The following STS variants were observed in gnomAD, a reference collection of about 807,000 sequenced individuals.
STS encodes the protein steryl-sulfatase.
Under a neutral mutation model 26.8 loss-of-function variants are expected in STS, and 7 were observed. The observed-to-expected ratio is 0.26, with a 90% confidence interval of 0.15 to 0.49. The LOEUF (loss-of-function observed/expected upper bound fraction) is 0.49, where lower values mean the gene tolerates loss of function less well. STS is among the 20% of genes least tolerant of loss of function. The pLI is 0.98. For missense variants in STS, 434 were observed against 465.6 expected (o/e 0.93, Z 0.63); for synonymous variants, 199 against 189.4 (o/e 1.05, Z -0.42).
rs1026111340 is a variant in STS, at chrX:7,353,593, G to A, written c.*3332G>A. ...CTGGGGCAGAAATTTGATTTGAAAA[G>A]TATTATTCTCTCTTCTCTTTGTTTC... On this transcript the variant is annotated 3_prime_UTR_variant, in exon 11 of 11. Transcript: ENST00000674429. The A allele has an allele frequency of 9.0e-6, 1 of 111,143 alleles. No individual in the cohort carries two copies. Among genetic ancestry groups the A allele is most frequent in the South Asian group, 3.8e-4 (1 of 2,642 alleles). 9.2% of individuals were successfully genotyped at this position (111,143 alleles called of 1,213,427 possible).
At chrX:7,326,404 C>A (rs1927477051) in intron 9 of STS, among the ~76,000 whole-genome samples, 2 of 111,323 alleles carry the variant, frequency 1.8e-5, no homozygotes, top group Admixed American at 9.6e-5. Flanking sequence ...GTCTGTTCAC[C>A]CCACCGTAGC....
chrX:7,164,703 T>C (rs1383204491), intron 1 of STS, among the ~76,000 whole-genome samples: 1 of 104,224 alleles, frequency 9.6e-6, no homozygotes, highest in East Asian at 2.9e-4. Flanking sequence ...TAAATTCCAT[T>C]AAAAAAAAAA....
At chrX:7,335,549 T>G (rs1270852223) in intron 10 of STS, among the ~76,000 whole-genome samples, 4 of 112,003 alleles carry the variant, frequency 3.6e-5, no homozygotes, top group East Asian at 2.8e-4. Flanking sequence ...TTTCTCCCAT[T>G]CTGTAGGTTG....
At chrX:7,175,537 C>T (rs1202768375) in intron 1 of STS, among the ~76,000 whole-genome samples, 1 of 110,946 alleles carries the variant, frequency 9.0e-6, no homozygotes, top group African/African-American at 3.3e-5. Flanking sequence ...TACATATCAG[C>T]TTCTCTACTC....
At chrX:7,218,762 G>T (rs1373221468) in intron 2 of STS, among the ~76,000 whole-genome samples, 1 of 112,151 alleles carries the variant, frequency 8.9e-6, no homozygotes, top group Non-Finnish European at 1.9e-5. Context: ...AAGATCAAAG[G>T]GTTCGGGTGG....
rs763805695 is a variant in STS, at chrX:7,273,567, A to G, written c.807-2384A>G. On this transcript the variant is annotated intron_variant, in intron 6 of 10. Transcript: ENST00000674429. Reference sequence around the variant, plus strand: ...AGGAACGCTGCTCAGAGAGGCCAAGAACAATCTAGACAGACAGGCCTTGCC... The same window carrying G: ...AGGAACGCTGCTCAGAGAGGCCAAGGACAATCTAGACAGACAGGCCTTGCC... 2.9e-4 allele frequency among the ~76,000 whole-genome samples: 32 copies of G among 112,124 alleles called. No homozygotes were observed. The South Asian group carries it at 0.011, about 39-fold the overall frequency.
At chrX:7,224,128 G>A (rs1921698791) in intron 2 of STS, among the ~76,000 whole-genome samples, 1 of 111,566 alleles carries the variant, frequency 9.0e-6, no homozygotes, top group African/African-American at 3.3e-5. Context: ...ATTTGAAAAG[G>A]GGACGAGTTG....
chrX:7,257,688 T>TCATCCC, intron 5 of STS, 100 bp downstream of exon 5: 1 of 1,063,070 alleles, frequency 9.4e-7, no homozygotes, highest in Non-Finnish European at 1.3e-6. Flanking sequence ...ATCATGACAG[T>TCATCCC]TATCTTAGGG....
chrX:7,194,679 C>A (rs1933939315), intron 2 of STS, among the ~76,000 whole-genome samples: 1 of 112,028 alleles, frequency 8.9e-6, no homozygotes, highest in Non-Finnish European at 1.9e-5. Context: ...GGGAAGTTAG[C>A]TTGTGACATT....
chrX:7,266,199 C>G (rs1170325296), intron 6 of STS, among the ~76,000 whole-genome samples: 2 of 111,595 alleles, frequency 1.8e-5, no homozygotes, highest in East Asian at 2.8e-4. Context: ...TTGTACACAG[C>G]TGCTTCTCAG....
chrX:7,170,818 C>T lies in STS; in HGVS notation c.-133-20062C>T, dbSNP rs151104362. Among the ~76,000 whole-genome samples, 930 of 110,671 alleles carry T rather than the reference C, an allele frequency of 8.4e-3. 6 individuals are homozygous for T. Among genetic ancestry groups the T allele is most frequent in the Non-Finnish European group, 0.013 (701 of 52,871 alleles). ...TTTTAAAAATAAAATGTCCTAGAGT[C>T]GCTGGGAATGTATGGAATTTCTTTA... On this transcript the variant is annotated intron_variant, in intron 1 of 10. Coordinates refer to ENST00000674429, the MANE Select transcript of STS (RefSeq NM_001320752.2).
intron 2 of STS, among the ~76,000 whole-genome samples, chrX:7,222,606 T>G (rs1921624897): frequency 9.1e-6 from 1 of 109,659 alleles, no homozygotes; most frequent in African/African-American, 3.3e-5. Flanking sequence ...ATCATTAAGT[T>G]TTTTGCTCTA....
At chrX:7,292,658 C>T (rs1925477309) in intron 7 of STS, among the ~76,000 whole-genome samples, 1 of 110,769 alleles carries the variant, frequency 9.0e-6, no homozygotes, top group Non-Finnish European at 1.9e-5. Context: ...TTCTGCATTG[C>T]ATGCCATGTG....
At chrX:7,323,658 T>C (rs946001848) in intron 8 of STS, among the ~76,000 whole-genome samples, 1 of 112,112 alleles carries the variant, frequency 8.9e-6, no homozygotes, top group Admixed American at 9.5e-5. Flanking sequence ...TGTCTGCTAT[T>C]GTGAATAGTG....
intron 2 of STS, chrX:7,252,266 A>C: frequency 1.3e-6 from 1 of 753,098 alleles, no homozygotes; most frequent in Non-Finnish European, 1.6e-6. Flanking sequence ...AACCTGGCTC[A>C]AGGCTGTGAA....
chrX:7,192,969 T>C (rs1933905492), intron 2 of STS, among the ~76,000 whole-genome samples: 1 of 112,723 alleles, frequency 8.9e-6, no homozygotes, highest in Non-Finnish European at 1.9e-5. Context: ...GGCTTTAACT[T>C]AATCTTCTCT....
rs12396092 is a variant in STS at position 7,279,359 on chromosome X, A to G, written c.943+3272A>G. Among the ~76,000 whole-genome samples the G allele has an allele frequency of 2.2e-3, 126 of 56,005 alleles. 1 individual carries two copies. Among genetic ancestry groups the G allele is most frequent in the Middle Eastern group, 0.011 (1 of 92 alleles). The allele number at this position is 56,005 out of a possible 115,157, so 48.6% of individuals were successfully genotyped here. A position where few individuals can be genotyped will look rare whatever the true frequency, so the allele number is the denominator to read the frequency against. The stretch of plus-strand genomic sequence containing the variant: ...TGTGTATGTGTGTGTGTGTGTGTGT[A>G]TATGTGTGTGTGTGTGTGTATATAT... On this transcript the variant is annotated intron_variant, in intron 7 of 10. Transcript: ENST00000674429.
intron 6 of STS, among the ~76,000 whole-genome samples, chrX:7,263,487 T>C (rs1292382679): frequency 3.5e-5 from 4 of 112,875 alleles, no homozygotes; most frequent in Non-Finnish European, 3.7e-5. Flanking sequence ...TCACATGCGG[T>C]GCAGGTTTGT....
At chrX:7,341,763 C>G (rs767070012) in intron 10 of STS, among the ~76,000 whole-genome samples, 4 of 110,967 alleles carry the variant, frequency 3.6e-5, no homozygotes, top group Non-Finnish European at 5.7e-5. Flanking sequence ...CCCTCTCTTT[C>G]CATCCCTTCC....
Sources: allele counts gnomAD v4.1 joint callset (sites outside exome capture counted in the v4.1 genomes callset), GRCh38; gene constraint gnomAD v4.1.1; transcripts MANE v1.5; gene names NCBI Gene and HGNC (gene_info 2026-07-23, HGNC 2026-07-21).